Variants in DEPTOR observed in about 807,000 individuals in gnomAD.
DEPTOR encodes DEP domain containing MTOR interacting protein.
In DEPTOR, 41 loss-of-function variants were observed where a neutral mutation model predicts 41.6. The observed-to-expected ratio is 0.98, with a 90% confidence interval of 0.77 to 1.28. The LOEUF (loss-of-function observed/expected upper bound fraction) is 1.28. Among genes scored for constraint, DEPTOR ranks in the 50% most tolerant of loss-of-function variants. DEPTOR has a pLI of 0.00. For missense variants in DEPTOR, 514 were observed against 527.9 expected (o/e 0.97, Z 0.26); for synonymous variants, 195 against 192.3 (o/e 1.01, Z -0.12).
rs1184029620 is a variant in DEPTOR, at chr8:119,901,780, A to G, written c.123-26620A>G. 3.9e-5 allele frequency among the ~76,000 whole-genome samples: 6 copies of G among 152,248 alleles called. No individual in the cohort carries two copies. In the South Asian group the frequency reaches 1.2e-3, roughly 32 times the overall value. ...CAATGCTTTCTGAAGCAATGGACACAGGTCATACTGTTAGCCTTTGGTCTG... is the reference window on the plus strand; with the variant it reads ...CAATGCTTTCTGAAGCAATGGACACGGGTCATACTGTTAGCCTTTGGTCTG... On this transcript the variant is annotated intron_variant, in intron 1 of 8. Transcript: ENST00000286234.
At chr8:120,010,405 A>G (rs1339497014) in intron 8 of DEPTOR, among the ~76,000 whole-genome samples, 1 of 152,112 alleles carries the variant, frequency 6.6e-6, no homozygotes, top group Non-Finnish European at 1.5e-5. Flanking sequence ...ACTTTAGGTC[A>G]GGAGTTCAAG....
intron 1 of DEPTOR, among the ~76,000 whole-genome samples, chr8:119,923,711 T>C (rs549903139): frequency 6.6e-6 from 1 of 152,294 alleles, no homozygotes; most frequent in Admixed American, 6.5e-5. Context: ...TTATTTTATC[T>C]TTGAATCCTT....
At chr8:119,967,613 G>T (rs1828579395) in intron 4 of DEPTOR, among the ~76,000 whole-genome samples, 1 of 151,642 alleles carries the variant, frequency 6.6e-6, no homozygotes, top group Admixed American at 6.6e-5. Context: ...CATTAGCTGG[G>T]TGTGGTGGTG....
At chr8:120,027,192 T>C (rs1277644646) in intron 8 of DEPTOR, among the ~76,000 whole-genome samples, 1 of 150,764 alleles carries the variant, frequency 6.6e-6, no homozygotes, top group African/African-American at 2.4e-5. Flanking sequence ...CACTCCAGCC[T>C]GGGCAAGAAG....
intron 1 of DEPTOR, among the ~76,000 whole-genome samples, chr8:119,915,009 C>T (rs1827794255): frequency 6.6e-6 from 1 of 152,152 alleles, no homozygotes; most frequent in Non-Finnish European, 1.5e-5. Context: ...GCCCTGTCAC[C>T]AGGCTGGAGG....
chr8:119,878,387 T>G (rs1225083007), intron 1 of DEPTOR, among the ~76,000 whole-genome samples: 1 of 150,682 alleles, frequency 6.6e-6, no homozygotes, highest in Non-Finnish European at 1.5e-5. Context: ...TGGCACTATC[T>G]CGGCTTACTG....
chr8:119,933,423 T>G (rs1033689481), intron 3 of DEPTOR, among the ~76,000 whole-genome samples: 1 of 143,870 alleles, frequency 7.0e-6, no homozygotes, highest in African/African-American at 2.6e-5. Flanking sequence ...ACCTGGGAAG[T>G]TCAAGCCCCC....
At chr8:119,902,764 G>A (rs1296299540) in intron 1 of DEPTOR, among the ~76,000 whole-genome samples, 1 of 152,166 alleles carries the variant, frequency 6.6e-6, no homozygotes, top group Non-Finnish European at 1.5e-5. Flanking sequence ...ATCTTAAGAT[G>A]CAGATTTCTT....
At chr8:120,013,696 A>C (rs1812565940) in intron 8 of DEPTOR, among the ~76,000 whole-genome samples, 2 of 152,180 alleles carry the variant, frequency 1.3e-5, no homozygotes, top group Non-Finnish European at 2.9e-5. Context: ...AAAGTGCCTC[A>C]GTGTCCCTTC....
intron 8 of DEPTOR, among the ~76,000 whole-genome samples, chr8:120,046,443 G>C (rs1277299862): frequency 6.6e-6 from 1 of 150,642 alleles, no homozygotes; most frequent in African/African-American, 2.4e-5. Context: ...CATATAAATG[G>C]GCTCTTACAC....
intron 1 of DEPTOR, among the ~76,000 whole-genome samples, chr8:119,906,167 T>C (rs1182124954): frequency 6.6e-6 from 1 of 151,878 alleles, no homozygotes; most frequent in Non-Finnish European, 1.5e-5. Flanking sequence ...CACACACAAA[T>C]TTTGCCGGGT....
At chr8:119,905,203 G>C (rs4073559) in intron 1 of DEPTOR, among the ~76,000 whole-genome samples, 120,419 of 151,984 alleles carry the variant, frequency 0.79, 47,852 homozygotes, top group East Asian at 0.95. Context: ...AATCTTGTCC[G>C]CAAGAAGCTC....
chr8:120,004,337 T>C (rs1812401705), intron 6 of DEPTOR, among the ~76,000 whole-genome samples: 1 of 152,200 alleles, frequency 6.6e-6, no homozygotes, highest in Admixed American at 6.5e-5. Context: ...GCTTCCATAC[T>C]GTCCTGGCTG....
intron 8 of DEPTOR, among the ~76,000 whole-genome samples, chr8:120,010,230 G>GAGCTACACAAACAACAATTCATTAAAA (rs1812509451): frequency 6.6e-6 from 1 of 152,014 alleles, no homozygotes; most frequent in Admixed American, 6.6e-5. Flanking sequence ...CCTTGATAAA[G>GAGCTACACAAACAACAATTCATTAAAA]TACAAAGAGC....
intron 4 of DEPTOR, among the ~76,000 whole-genome samples, chr8:119,970,500 GCA>G (rs374389533): frequency 3.3e-5 from 5 of 152,202 alleles, no homozygotes; most frequent in African/African-American, 9.6e-5. Context: ...GATGGAATGA[GCA>G]CAGTCTTCGG....
chr8:120,041,045 T>C (rs779405228), intron 8 of DEPTOR, among the ~76,000 whole-genome samples: 3 of 152,214 alleles, frequency 2.0e-5, no homozygotes, highest in Non-Finnish European at 4.4e-5. Flanking sequence ...TGTTTTATGT[T>C]ATTTTCAGGG....
At chr8:119,988,503 G>A (rs974647082) in intron 4 of DEPTOR, among the ~76,000 whole-genome samples, 4 of 152,086 alleles carry the variant, frequency 2.6e-5, no homozygotes, top group African/African-American at 4.8e-5. Flanking sequence ...ATTTTTTTGA[G>A]ATGGAGTCTT....
In DEPTOR at chr8:119,881,288, G is replaced by A. The variant is rs576834644; in HGVS notation, c.122+7320G>A. Among the ~76,000 whole-genome samples the A allele has an allele frequency of 1.9e-3, 284 of 152,256 alleles. 1 individual carries two copies. Among genetic ancestry groups the A allele is most frequent in the African/African-American group, 6.3e-3 (260 of 41,552 alleles). ...TGTAATCCTGGCACTCTGGGAGGCC[G>A]AGGTGGGCAGATCACTTGAGGTCAG... On this transcript the variant is annotated intron_variant, in intron 1 of 8. Coordinates refer to ENST00000286234, the MANE Select transcript of DEPTOR (RefSeq NM_022783.4).
rs7017151 is a variant in DEPTOR at position 120,009,433 on chromosome 8, C to T, written c.1101+300C>T. 0.13 allele frequency among the ~76,000 whole-genome samples: 19,308 copies of T among 151,674 alleles called. 1,764 individuals are homozygous for T. Among genetic ancestry groups the T allele is most frequent in the African/African-American group, 0.25 (10,373 of 41,322 alleles). On this transcript the variant is annotated intron_variant, in intron 8 of 8. Coordinates refer to ENST00000286234, the MANE Select transcript of DEPTOR (RefSeq NM_022783.4). ...TTCAAGACTAGCCTGGCCACCGTGG[C>T]GAAACCCTATCCCTACTAAAAATAC...
Sources: allele counts gnomAD v4.1 joint callset (sites outside exome capture counted in the v4.1 genomes callset), GRCh38; gene constraint gnomAD v4.1.1; transcripts MANE v1.5; gene names NCBI Gene and HGNC (gene_info 2026-07-23, HGNC 2026-07-21).